HUWE1: variants seen among roughly 807,000 people sequenced by gnomAD.
The protein encoded by HUWE1 is E3 ubiquitin-protein ligase HUWE1.
Under a neutral mutation model 299.4 loss-of-function variants are expected in HUWE1, and 18 were observed. The observed-to-expected ratio is 0.06, with a 90% CI of 0.04 to 0.09. The LOEUF (loss-of-function observed/expected upper bound fraction) is 0.09. Among genes scored for constraint, HUWE1 ranks in the 10% least tolerant of loss-of-function variants. The pLI, the probability that HUWE1 is intolerant of heterozygous loss-of-function variation, is 1.00. For synonymous variants in HUWE1, 1,317 were observed against 1,286.1 expected, an observed-to-expected ratio of 1.02 and a Z score of -0.51; for missense variants, 1,832 against 3,462.3, an observed-to-expected ratio of 0.53 and a Z score of 11.82.
At chrX:53,640,779 G>A (rs1168437370) in intron 7 of HUWE1, among the ~76,000 whole-genome samples, 1 of 111,801 alleles carries the variant, frequency 8.9e-6, no homozygotes, top group African/African-American at 3.3e-5. Flanking sequence ...ACAACAACTG[G>A]ATCTGAATTA....
At chrX:53,644,224 T>C (rs2067815023) in intron 7 of HUWE1, among the ~76,000 whole-genome samples, 1 of 112,656 alleles carries the variant, frequency 8.9e-6, no homozygotes, top group Non-Finnish European at 1.9e-5. Flanking sequence ...TCTGACATTT[T>C]TGTGTGACTT....
At chrX:53,641,033 G>A (rs1331485104) in intron 7 of HUWE1, among the ~76,000 whole-genome samples, 10 of 111,518 alleles carry the variant, frequency 9.0e-5, no homozygotes, top group Admixed American at 2.9e-4. Context: ...TTCTAGGTCT[G>A]TTAACTTTCT....
Position 53,573,951 on chromosome X carries a change from C to T in HUWE1, c.6111G>A (p.Glu2037=), listed in dbSNP as rs1320387822. 1 of 1,209,173 alleles carries T rather than the reference C, an allele frequency of 8.3e-7. No individual in the cohort carries two copies. The highest frequency in any genetic ancestry group is 3.0e-5 in the East Asian group (1 of 33,856). The change falls in exon 47 of 84, where the codon GAG becomes GAA. Residue 2037 remains glutamate (E), a synonymous_variant. Coordinates refer to ENST00000262854, the MANE Select transcript of HUWE1 (RefSeq NM_031407.7). The part of the protein sequence containing the change: ...GTSQGEASTP[E]ESRDGKKDKE... Reference sequence around the variant, plus strand: ...TATCTTTCTTCCCATCTCGAGACTCCTCTGGAGTTGAAGCTGTTGAGAAAA... The same window carrying T: ...TATCTTTCTTCCCATCTCGAGACTCTTCTGGAGTTGAAGCTGTTGAGAAAA...
chrX:53,566,228 C>T (rs1486948490), intron 49 of HUWE1, among the ~76,000 whole-genome samples: 2 of 100,938 alleles, frequency 2.0e-5, no homozygotes, highest in East Asian at 6.2e-4. Flanking sequence ...AACCAAGACT[C>T]GTCAGAACAA....
chrX:53,620,621 A>T (rs944769117), intron 19 of HUWE1, among the ~76,000 whole-genome samples: 2 of 111,714 alleles, frequency 1.8e-5, no homozygotes, highest in African/African-American at 6.5e-5. Context: ...TAAACTTACT[A>T]AATGGACAAT....
chrX:53,553,337 T>C (rs1228905483), intron 61 of HUWE1, among the ~76,000 whole-genome samples: 4 of 106,607 alleles, frequency 3.8e-5, no homozygotes, highest in Non-Finnish European at 5.8e-5. Context: ...AGAGATGGGG[T>C]TTCACCATCT....
At chrX:53,553,006 A>C in intron 61 of HUWE1, 113 bp from the exon 62 acceptor site, 2 of 803,186 alleles carry the variant, frequency 2.5e-6, no homozygotes, top group Non-Finnish European at 3.7e-6. Flanking sequence ...CAGACTTCTC[A>C]CTTCTCCCTT....
chrX:53,618,565 CTT>C (rs1158947305), intron 19 of HUWE1, among the ~76,000 whole-genome samples: 15 of 88,861 alleles, frequency 1.7e-4, no homozygotes, highest in Admixed American at 2.4e-4. Context: ...TAAGAATTTT[CTT>C]TTTTTTTTTT....
chrX:53,675,551 T>A (rs2041846088), intron 3 of HUWE1, among the ~76,000 whole-genome samples: 3 of 110,711 alleles, frequency 2.7e-5, no homozygotes, highest in Admixed American at 9.6e-5. Context: ...ACTGTGAGTT[T>A]CTCAAGGGCA....
intron 24 of HUWE1, among the ~76,000 whole-genome samples, chrX:53,607,900 C>T (rs2065233092): frequency 9.0e-6 from 1 of 111,450 alleles, no homozygotes; most frequent in Non-Finnish European, 1.9e-5. Context: ...TGCCCAATCT[C>T]CATTTTCAAG....
At chrX:53,623,126 C>CAT (rs1300292473) in intron 19 of HUWE1, among the ~76,000 whole-genome samples, 1 of 111,374 alleles carries the variant, frequency 9.0e-6, no homozygotes, top group African/African-American at 3.3e-5. Flanking sequence ...GCATCATCCT[C>CAT]ATAGGGCTCA....
rs1556922902 is a variant in HUWE1 at position 53,546,515 on chromosome X, G to A, written c.10836C>T (p.Asp3612=). Residue 3612 remains aspartate (D), a synonymous_variant, in exon 70 of 84, where the codon GAC becomes GAT. Transcript: ENST00000262854. ...TGAGAACAGTGTCCCGGGTCCCAGA[G>A]TCCCCCCGGGAGAGCTGCAGTAGTA... is the stretch of plus-strand genomic sequence containing the variant. The part of the protein sequence containing the change: ...ANVLLQLSRG[D]SGTRDTVLKL... 2 of 1,206,967 alleles carry A rather than the reference G, an allele frequency of 1.7e-6. No individual in the cohort carries two copies. The highest frequency in any genetic ancestry group is 2.2e-5 in the Admixed American group (1 of 45,672).
intron 49 of HUWE1, among the ~76,000 whole-genome samples, chrX:53,566,131 G>GTGTGTATATATATATATATATATATA (rs2062539447): frequency 1.8e-5 from 1 of 55,499 alleles, no homozygotes; most frequent in African/African-American, 8.1e-5. Context: ...GTGTGTGTGT[G>GTGTGTATATATATATATATATATATA]TGTATATATA....
rs1192210543 is a variant in HUWE1, at chrX:53,547,839, T to C, written c.10470A>G (p.Thr3490=). The change falls in exon 68 of 84, where the codon ACA becomes ACG. Residue 3490 remains threonine, a synonymous_variant. Coordinates refer to ENST00000262854, the MANE Select transcript of HUWE1 (RefSeq NM_031407.7). ...ASSTTTATST[T]STTTTTAAST... ...AGGCGGCAGTGGTGGTGGTGGTAGA[T>C]GTGGTTGAGGTGGCAGTGGTGGTGG... 2.5e-5 allele frequency: 30 copies of C among 1,199,658 alleles called. No individual in the cohort carries two copies. Among genetic ancestry groups the C allele is most frequent in the Non-Finnish European group, 3.3e-5 (29 of 888,646 alleles).
chrX:53,619,408 G>C (rs2065987284), intron 19 of HUWE1, among the ~76,000 whole-genome samples: 1 of 110,086 alleles, frequency 9.1e-6, no homozygotes, highest in African/African-American at 3.3e-5. Context: ...ATTTTATCAA[G>C]AAGTCGCAAC....
At chrX:53,539,320 T>TAAAAAA (rs34154526) in intron 75 of HUWE1, among the ~76,000 whole-genome samples, 3 of 52,833 alleles carry the variant, frequency 5.7e-5, no homozygotes, top group East Asian at 6.7e-4. Flanking sequence ...ATTTCTGATT[T>TAAAAAA]AAAAAAAAAA....
intron 7 of HUWE1, among the ~76,000 whole-genome samples, chrX:53,639,902 C>G (rs1010190166): frequency 1.8e-5 from 2 of 112,321 alleles, no homozygotes; most frequent in Middle Eastern, 4.2e-3. Flanking sequence ...GATATTGTAA[C>G]CCCCAATTTA....
At chrX:53,631,141 T>C in intron 11 of HUWE1, 107 bp from the exon 12 acceptor site, 1 of 557,175 alleles carries the variant, frequency 1.8e-6, no homozygotes, top group Non-Finnish European at 3.1e-6. Context: ...TCTCCTTTGA[T>C]ATCCGAAGTG....
chrX:53,535,222 A>G (rs1453904300), intron 81 of HUWE1, among the ~76,000 whole-genome samples, 162 bp downstream of exon 81: 2 of 112,261 alleles, frequency 1.8e-5, no homozygotes, highest in African/African-American at 6.5e-5. Context: ...GGTGTGAGCC[A>G]CCGTGCCCAA....
Sources: allele counts gnomAD v4.1 joint callset (sites outside exome capture counted in the v4.1 genomes callset), GRCh38; gene constraint gnomAD v4.1.1; transcripts MANE v1.5; gene names NCBI Gene and HGNC (gene_info 2026-07-23, HGNC 2026-07-21).